ADGRD1: variants seen among roughly 807,000 people sequenced by gnomAD.
ADGRD1 encodes the protein adhesion G protein-coupled receptor D1.
A neutral mutation model predicts 113.4 loss-of-function variants in ADGRD1; 77 were observed. That is an observed-to-expected ratio of 0.68 (90% CI 0.57 to 0.82). The LOEUF is 0.82. ADGRD1 is among the 40% of genes least tolerant of loss of function. ADGRD1 has a pLI of 0.00. For synonymous variants in ADGRD1, 474 were observed against 475.0 expected, an observed-to-expected ratio of 1.00 and a Z score of 0.03; for missense variants, 1,036 against 1,139.1, an observed-to-expected ratio of 0.91 and a Z score of 1.30.
intron 24 of ADGRD1, 149 bp from the exon 25 acceptor site, chr12:131,139,019 G>C (rs1951180036): frequency 1.6e-6 from 1 of 618,160 alleles, no homozygotes; most frequent in Non-Finnish European, 2.9e-6. Flanking sequence ...TCTCCCCCAG[G>C]AGCATGGGGG....
At chr12:131,008,391 G>A (rs570281408) in intron 12 of ADGRD1, among the ~76,000 whole-genome samples, 9 of 152,324 alleles carry the variant, frequency 5.9e-5, no homozygotes, top group South Asian at 4.1e-4. Flanking sequence ...TCATACATCC[G>A]CAGTGTGTTG....
intron 7 of ADGRD1, 98 bp from the exon 8 acceptor site, chr12:130,992,139 T>TA: frequency 4.6e-6 from 4 of 875,438 alleles, no homozygotes; most frequent in Admixed American, 2.7e-5. Flanking sequence ...AAAAAAAAAT[T>TA]AAAAAAAGCA....
In ADGRD1 at chr12:131,076,781, T is replaced by A; in HGVS notation, c.1474-20T>A. The A allele has an allele frequency of 1.2e-6, 2 of 1,611,606 alleles. No homozygotes were observed. The highest frequency in any genetic ancestry group is 1.7e-6 in the Non-Finnish European group (2 of 1,177,752). ...CTCTTCAGCAGCGTCATGCATCGTG[T>A]TTGCTTTCTTTCATTTCAGACACGT... On this transcript the variant is annotated intron_variant, in intron 13 of 24. Coordinates refer to ENST00000261654, the MANE Select transcript of ADGRD1 (RefSeq NM_198827.5).
Position 130,996,031 on chromosome 12 carries a change from C to T in ADGRD1, c.966+3639C>T, listed in dbSNP as rs561366899. Reference sequence around the variant, plus strand: ...CTGTTTAACAAAGCACATCTTGCACCGCCCTTAATCCATTTAACCCTGAGT... The same window carrying T: ...CTGTTTAACAAAGCACATCTTGCACTGCCCTTAATCCATTTAACCCTGAGT... On this transcript the variant is annotated intron_variant, in intron 8 of 24. Transcript: ENST00000261654. 7.9e-5 allele frequency among the ~76,000 whole-genome samples: 12 copies of T among 152,162 alleles called. No homozygotes were observed. In the East Asian group the frequency reaches 1.5e-3, roughly 20 times the overall value.
chr12:130,970,781 GC>G (rs1319636190), intron 3 of ADGRD1: 3 of 152,402 alleles, frequency 2.0e-5, no homozygotes, highest in African/African-American at 7.2e-5. Flanking sequence ...ACGGGGCAGT[GC>G]CCCTCGGGAT....
At chr12:131,045,008 A>G (rs1399126165) in intron 13 of ADGRD1, among the ~76,000 whole-genome samples, 2 of 152,236 alleles carry the variant, frequency 1.3e-5, no homozygotes, top group African/African-American at 4.8e-5. Context: ...CCTTCTCCGC[A>G]GGCCGTGGTG....
rs777032505 is a variant in ADGRD1, at chr12:131,136,928, C to T, written c.2395-45C>T. 88 of 1,499,320 alleles carry T rather than the reference C, an allele frequency of 5.9e-5. 1 individual carries two copies. Among genetic ancestry groups the T allele is most frequent in the Admixed American group, 2.5e-4 (15 of 59,866 alleles). 92.9% of individuals were successfully genotyped at this position (1,499,320 alleles called of 1,614,324 possible). Reference sequence around the variant, plus strand: ...GAGGAACCTCCAGTGTTCCTAACTACGTGCAAAGGGCTCTAATCTCTGCGT... The same window carrying T: ...GAGGAACCTCCAGTGTTCCTAACTATGTGCAAAGGGCTCTAATCTCTGCGT... On this transcript the variant is annotated intron_variant, in intron 22 of 24. Transcript: ENST00000261654.
intron 13 of ADGRD1, among the ~76,000 whole-genome samples, chr12:131,018,641 G>A (rs1878933982): frequency 6.6e-6 from 1 of 152,200 alleles, no homozygotes; most frequent in Non-Finnish European, 1.5e-5. Context: ...AAATAAAATA[G>A]AAAAGAGCCC....
At chr12:131,085,888 C>G (rs568586839) in intron 15 of ADGRD1, among the ~76,000 whole-genome samples, 1 of 152,294 alleles carries the variant, frequency 6.6e-6, no homozygotes, top group African/African-American at 2.4e-5. Flanking sequence ...ATCTTCCGTG[C>G]GGAGCCCTGG....
At chr12:130,955,494 A>G (rs983130449) in intron 2 of ADGRD1, among the ~76,000 whole-genome samples, 1 of 152,136 alleles carries the variant, frequency 6.6e-6, no homozygotes, top group African/African-American at 2.4e-5. Flanking sequence ...ACAGGGAGGC[A>G]CACACCCTTC....
intron 13 of ADGRD1, among the ~76,000 whole-genome samples, chr12:131,036,665 G>A (rs986324147): frequency 1.4e-5 from 2 of 144,260 alleles, no homozygotes; most frequent in African/African-American, 2.7e-5. Flanking sequence ...ACTGCACGGG[G>A]CCTCACTCAG....
chr12:131,036,988 T>G (rs1335719015), intron 13 of ADGRD1, among the ~76,000 whole-genome samples: 1 of 135,646 alleles, frequency 7.4e-6, no homozygotes, highest in Non-Finnish European at 1.6e-5. Context: ...GCATGGAGCC[T>G]CACTCACTGC....
intron 15 of ADGRD1, among the ~76,000 whole-genome samples, chr12:131,100,539 A>G (rs1160752242): frequency 6.6e-6 from 1 of 151,462 alleles, no homozygotes; most frequent in Non-Finnish European, 1.5e-5. Flanking sequence ...GGTTGATGGT[A>G]GGCTTGGTTA....
At position 131,010,097 on chromosome 12, in the gene ADGRD1, C is replaced by T. The variant is rs895423088; in HGVS notation, c.1331+4050C>T. ...TGCTGAGGAAGTCGCCTGTTACCCT[C>T]GATGCTGTCTCCTTCTGCTGTTTGC... On this transcript the variant is annotated intron_variant, in intron 12 of 24. Transcript: ENST00000261654. 3.3e-5 allele frequency among the ~76,000 whole-genome samples: 5 copies of T among 152,208 alleles called. No individual in the cohort carries two copies. In the East Asian group the frequency reaches 5.8e-4, roughly 18 times the overall value.
At chr12:131,082,566 C>G (rs1156544624) in intron 14 of ADGRD1, among the ~76,000 whole-genome samples, 2 of 152,132 alleles carry the variant, frequency 1.3e-5, no homozygotes, top group African/African-American at 4.8e-5. Flanking sequence ...TAATCCAATG[C>G]CTGTTAATGT....
rs955952292 is a variant in ADGRD1 at position 131,027,483 on chromosome 12, G to A, written c.1473+13143G>A. ...ATCCTGCTGGTGTGCGTCTGGCTTC[G>A]GGTTTGCATTCTCACAATGCTGTAA... On this transcript the variant is annotated intron_variant, in intron 13 of 24. Transcript: ENST00000261654. This position sits in a 1 kb window ranked among gnomAD's most constrained non-coding sequence, Gnocchi z 5.1. The A allele has an allele frequency of 6.6e-6, 1 of 152,116 alleles. No individual in the cohort carries two copies. Among genetic ancestry groups the A allele is most frequent in the African/African-American group, 2.4e-5 (1 of 41,404 alleles). 9.4% of individuals were successfully genotyped at this position (152,116 alleles called of 1,614,324 possible).
chr12:131,048,396 T>C (rs1593119394), intron 13 of ADGRD1, among the ~76,000 whole-genome samples: 1 of 152,126 alleles, frequency 6.6e-6, no homozygotes, highest in Admixed American at 6.5e-5. Flanking sequence ...CAGCCGCCCA[T>C]CCTCGGGTGT....
chr12:131,129,638 T>C (rs1395664805), intron 20 of ADGRD1, among the ~76,000 whole-genome samples: 1 of 152,188 alleles, frequency 6.6e-6, no homozygotes, highest in Admixed American at 6.5e-5. Context: ...GGGCAGGAGT[T>C]GCAGAATGGC....
intron 13 of ADGRD1, chr12:131,070,794 C>T (rs958450375): frequency 1.1e-4 from 59 of 518,744 alleles, no homozygotes; most frequent in Admixed American, 3.5e-4. Flanking sequence ...CTGTGGAGTA[C>T]ATGTGACTTC....
Sources: gnomAD v4.1 joint callset for allele counts (sites outside exome capture counted in the v4.1 genomes callset) on GRCh38, gnomAD v4.1.1 for gene constraint, Gnocchi (gnomAD v3.1) non-coding constraint, MANE v1.5 for transcripts, NCBI Gene and HGNC (gene_info 2026-07-23, HGNC 2026-07-21) for gene names.